Variants in TBC1D5 observed in about 807,000 individuals in gnomAD.
TBC1D5 encodes TBC1 domain family member 5.
A neutral mutation model predicts 100.3 loss-of-function variants in TBC1D5; 75 were observed. That is an observed-to-expected ratio of 0.75 (90% CI 0.62 to 0.91). The LOEUF (loss-of-function observed/expected upper bound fraction) is 0.91. Ranked by LOEUF, TBC1D5 falls within the 40% of genes least tolerant of loss-of-function variation. The probability of loss-of-function intolerance (pLI) is 0.00; values close to 1 mark genes in which losing one functional copy is unlikely to be tolerated. For synonymous variants in TBC1D5, 323 were observed against 325.6 expected (o/e 0.99, Z 0.09); for missense variants, 910 against 942.4 (o/e 0.97, Z 0.45).
At chr3:17,180,328 A>T (rs1257035962) in intron 19 of TBC1D5, among the ~76,000 whole-genome samples, 1 of 152,176 alleles carries the variant, frequency 6.6e-6, no homozygotes. Context: ...TGTCAATTTT[A>T]TTATCTCTAT....
chr3:17,211,438 C>T (rs1308158066), intron 18 of TBC1D5, among the ~76,000 whole-genome samples: 4 of 152,192 alleles, frequency 2.6e-5, no homozygotes, highest in Non-Finnish European at 4.4e-5. Context: ...TGGAATGTGC[C>T]TGATCTCTCA....
At chr3:17,447,383 T>C (rs2094824002) in intron 3 of TBC1D5, among the ~76,000 whole-genome samples, 1 of 152,042 alleles carries the variant, frequency 6.6e-6, no homozygotes, top group South Asian at 2.1e-4. Context: ...GGGTTGAATA[T>C]ATAAGAGTTG....
intron 18 of TBC1D5, among the ~76,000 whole-genome samples, 159 bp from the exon 20 acceptor site, chr3:17,185,367 A>G (rs1307683232): frequency 6.6e-6 from 1 of 152,242 alleles, no homozygotes; most frequent in Non-Finnish European, 1.5e-5. Context: ...AACTGCCACC[A>G]CCAACAAAAT....
At chr3:17,594,428 G>A (rs1325948908) in intron 2 of TBC1D5, among the ~76,000 whole-genome samples, 1 of 152,222 alleles carries the variant, frequency 6.6e-6, no homozygotes, top group African/African-American at 2.4e-5. Context: ...AACCTGTTGA[G>A]GTGCTTGCTG....
intron 14 of TBC1D5, among the ~76,000 whole-genome samples, chr3:17,294,195 C>CATTATTTATTT (rs2082030173): frequency 6.6e-6 from 1 of 150,474 alleles, no homozygotes; most frequent in African/African-American, 2.4e-5. Context: ...ATTGACTAAT[C>CATTATTTATTT]ATTTATTTAT....
chr3:17,653,018 A>G (rs2065725839), intron 1 of TBC1D5, among the ~76,000 whole-genome samples: 1 of 152,228 alleles, frequency 6.6e-6, no homozygotes, highest in African/African-American at 2.4e-5. Context: ...ACAAACCTTA[A>G]AAACACTGCT....
intron 1 of TBC1D5, among the ~76,000 whole-genome samples, chr3:17,690,745 G>C (rs1003140381): frequency 1.3e-5 from 2 of 152,126 alleles, no homozygotes; most frequent in Non-Finnish European, 1.5e-5. Context: ...TCTAATGCCT[G>C]GTGATCTAAG....
intron 13 of TBC1D5, among the ~76,000 whole-genome samples, chr3:17,333,585 CT>C (rs2087201698): frequency 6.6e-6 from 1 of 152,124 alleles, no homozygotes; most frequent in Admixed American, 6.6e-5. Context: ...AGATCCAATG[CT>C]TAAGCAGAGG....
At chr3:17,643,299 A>G (rs2064707832) in intron 1 of TBC1D5, among the ~76,000 whole-genome samples, 1 of 152,156 alleles carries the variant, frequency 6.6e-6, no homozygotes, top group Non-Finnish European at 1.5e-5. Flanking sequence ...GTATCGTATT[A>G]TATCAGATGT....
In TBC1D5 at chr3:17,258,567, G is replaced by A; in HGVS notation, c.1270C>T (p.Gln424Ter). ...TAATAATCTAAATTTGGATGGAATTGATAAGTCACTGGTCTTGGATTTCTC... is the reference window on the plus strand; with the variant it reads ...TAATAATCTAAATTTGGATGGAATTAATAAGTCACTGGTCTTGGATTTCTC... The change falls in exon 16 of 22, where the codon CAA (glutamine) becomes TAA (stop). Residue 424 changes from glutamine to a stop codon, truncating the protein, a stop_gained. Coordinates refer to ENST00000253692, the Ensembl canonical transcript of TBC1D5. LOFTEE classifies it high-confidence loss of function. 6.2e-7 allele frequency: 1 copy of A among 1,612,648 alleles called. No homozygotes were observed. Among genetic ancestry groups the A allele is most frequent in the Non-Finnish European group, 8.5e-7 (1 of 1,179,248 alleles).
intron 16 of TBC1D5, among the ~76,000 whole-genome samples, chr3:17,250,071 T>TA (rs1227065562): frequency 6.6e-6 from 1 of 152,162 alleles, no homozygotes; most frequent in African/African-American, 2.4e-5. Flanking sequence ...CTTCAATATG[T>TA]AAAAAATGCA....
At chr3:17,725,637 T>G (rs981729395) in intron 1 of TBC1D5, among the ~76,000 whole-genome samples, 1 of 152,196 alleles carries the variant, frequency 6.6e-6, no homozygotes, top group Non-Finnish European at 1.5e-5. Context: ...GCAAATGTCC[T>G]CAGAAGAAAA....
chr3:17,516,740 A>G (rs2095994327), intron 2 of TBC1D5, among the ~76,000 whole-genome samples: 1 of 152,146 alleles, frequency 6.6e-6, no homozygotes, highest in East Asian at 1.9e-4. Flanking sequence ...AAAACAGACA[A>G]CACAATTATA....
At chr3:17,663,513 A>T (rs1270906010) in intron 1 of TBC1D5, among the ~76,000 whole-genome samples, 1 of 152,192 alleles carries the variant, frequency 6.6e-6, no homozygotes, top group African/African-American at 2.4e-5. Flanking sequence ...CATTACAACA[A>T]GAAACTACTT....
intron 2 of TBC1D5, among the ~76,000 whole-genome samples, chr3:17,521,714 A>G (rs1182259505): frequency 1.3e-5 from 2 of 152,162 alleles, no homozygotes; most frequent in African/African-American, 4.8e-5. Flanking sequence ...ACTAATATAA[A>G]ATATTATGTT....
At chr3:17,583,658 C>T (rs920326293) in intron 2 of TBC1D5, among the ~76,000 whole-genome samples, 26 of 152,258 alleles carry the variant, frequency 1.7e-4, no homozygotes, top group African/African-American at 5.5e-4. Context: ...ACCTGGGAGA[C>T]GGAGGCTGCA....
In TBC1D5 at chr3:17,710,780, T is replaced by A. The variant is rs558000637; in HGVS notation, c.-101+28563A>T. Among the ~76,000 whole-genome samples, 98 of 152,098 alleles carry A rather than the reference T, an allele frequency of 6.4e-4. 1 individual carries two copies. In the South Asian group the frequency reaches 0.02, roughly 31 times the overall value. On this transcript the variant is annotated intron_variant, in intron 1 of 21. Transcript: ENST00000253692. ...TGGCGCAATCTCGGCTCACTGCAAC[T>A]GCCATCTCCCAGGTTCAAGCAATTC...
chr3:17,285,773 A>G (rs943558056), intron 15 of TBC1D5, among the ~76,000 whole-genome samples: 1 of 152,228 alleles, frequency 6.6e-6, no homozygotes, highest in African/African-American at 2.4e-5. Context: ...AGTAAAAATT[A>G]AAGTACCTAT....
intron 8 of TBC1D5, among the ~76,000 whole-genome samples, chr3:17,394,747 T>C (rs938658562): frequency 2.0e-5 from 3 of 152,104 alleles, no homozygotes; most frequent in Non-Finnish European, 4.4e-5. Context: ...TGGACAAATA[T>C]ACCTACAAAC....
Sources: gnomAD v4.1 joint callset for allele counts (sites outside exome capture counted in the v4.1 genomes callset) on GRCh38, gnomAD v4.1.1 for gene constraint, MANE v1.5 for transcripts, NCBI Gene and HGNC (gene_info 2026-07-23, HGNC 2026-07-21) for gene names.